Variants in DOCK4 observed in about 807,000 individuals in gnomAD.
The protein encoded by DOCK4 is dedicator of cytokinesis 4.
A neutral mutation model predicts 268.1 loss-of-function variants in DOCK4; 97 were observed. The ratio of observed to expected loss-of-function variants is 0.36; its 90% CI spans 0.31 to 0.43. The LOEUF (loss-of-function observed/expected upper bound fraction) is 0.43, where lower values mean the gene tolerates loss of function less well. Ranked by LOEUF, DOCK4 falls within the 20% of genes least tolerant of loss-of-function variation. The pLI is 1.00. For missense variants in DOCK4, 2,145 were observed against 2,455.7 expected (o/e 0.87, Z 2.67); for synonymous variants, 954 against 887.2 (o/e 1.08, Z -1.34).
At chr7:111,747,577 G>T in intron 42 of DOCK4, 134 bp from the exon 43 acceptor site, 1 of 837,216 alleles carries the variant, frequency 1.2e-6, no homozygotes, top group Non-Finnish European at 1.8e-6. Context: ...GGGCCATTCC[G>T]TAGAATAGAC....
intron 1 of DOCK4, among the ~76,000 whole-genome samples, chr7:112,021,575 T>C (rs768545501): frequency 1.3e-5 from 2 of 152,236 alleles, no homozygotes; most frequent in Non-Finnish European, 2.9e-5. Context: ...TCCATGAATC[T>C]GGCCACCAGC....
chr7:112,093,704 A>G (rs1372950608), intron 1 of DOCK4, among the ~76,000 whole-genome samples: 1 of 152,234 alleles, frequency 6.6e-6, no homozygotes, highest in Non-Finnish European at 1.5e-5. Flanking sequence ...CTGCAAAAAA[A>G]TCCAGCAATT....
intron 17 of DOCK4, among the ~76,000 whole-genome samples, chr7:111,875,248 A>AT (rs1806757588): frequency 6.6e-6 from 1 of 152,198 alleles, no homozygotes; most frequent in Non-Finnish European, 1.5e-5. Flanking sequence ...GTTTAATATA[A>AT]TTATTTCATA....
chr7:112,196,407 C>T (rs2116840578), intron 1 of DOCK4, among the ~76,000 whole-genome samples: 1 of 152,284 alleles, frequency 6.6e-6, no homozygotes, highest in South Asian at 2.1e-4. Context: ...TTCAAAGCAA[C>T]TACAAAATCA....
At chr7:112,175,822 T>TA in intron 1 of DOCK4, among the ~76,000 whole-genome samples, 1 of 152,026 alleles carries the variant, frequency 6.6e-6, no homozygotes, top group Non-Finnish European at 1.5e-5. Context: ...ATCCCCTTTT[T>TA]AATCTAAAAG....
intron 1 of DOCK4, among the ~76,000 whole-genome samples, chr7:112,128,219 A>G (rs535667290): frequency 6.6e-6 from 1 of 152,360 alleles, no homozygotes; most frequent in African/African-American, 2.4e-5. Flanking sequence ...TCTCAGTGTT[A>G]AATTACTCTC....
intron 5 of DOCK4, among the ~76,000 whole-genome samples, chr7:111,991,682 C>A (rs754846039): frequency 6.7e-6 from 1 of 150,334 alleles, no homozygotes; most frequent in Non-Finnish European, 1.5e-5. Context: ...GTGCCTGGCG[C>A]TGGGCGAGGT....
chr7:112,087,659 T>C (rs1411735799), intron 1 of DOCK4, among the ~76,000 whole-genome samples: 1 of 152,130 alleles, frequency 6.6e-6, no homozygotes, highest in African/African-American at 2.4e-5. Context: ...TAAAATACTA[T>C]GTACCCTGAG....
chr7:112,012,015 G>C (rs1404293834), intron 1 of DOCK4, among the ~76,000 whole-genome samples: 1 of 151,642 alleles, frequency 6.6e-6, no homozygotes, highest in Non-Finnish European at 1.5e-5. Flanking sequence ...TCATTTGCTA[G>C]CCCACGATGA....
intron 7 of DOCK4, among the ~76,000 whole-genome samples, chr7:111,978,320 C>A (rs920519358): frequency 2.0e-5 from 3 of 152,216 alleles, no homozygotes; most frequent in African/African-American, 7.2e-5. Flanking sequence ...CAGCCTCTAC[C>A]TCCCAGGCTC....
At chr7:111,863,646 C>T (rs367786603) in intron 22 of DOCK4, 82 bp from the exon 23 acceptor site, 36 of 1,371,380 alleles carry the variant, frequency 2.6e-5, no homozygotes, top group South Asian at 7.6e-5. Context: ...GTTTAAGGAC[C>T]GTGGCAAGTG....
At chr7:111,930,991 T>G (rs1794154515) in intron 12 of DOCK4, among the ~76,000 whole-genome samples, 3 of 152,188 alleles carry the variant, frequency 2.0e-5, no homozygotes, top group African/African-American at 7.2e-5. Flanking sequence ...TAGGGCTGGG[T>G]TTGCCTCAGC....
intron 12 of DOCK4, among the ~76,000 whole-genome samples, chr7:111,916,754 C>T (rs901697393): frequency 7.2e-5 from 11 of 151,856 alleles, no homozygotes; most frequent in Middle Eastern, 3.4e-3. Flanking sequence ...TTTTTCATTC[C>T]TTCTTTGTTT....
intron 1 of DOCK4, among the ~76,000 whole-genome samples, chr7:112,100,881 G>T (rs544140778): frequency 6.6e-6 from 1 of 152,278 alleles, no homozygotes; most frequent in African/African-American, 2.4e-5. Flanking sequence ...AGATATCAGG[G>T]ATATAAGGGA....
At chr7:111,784,029 G>A in intron 33 of DOCK4, 68 bp downstream of exon 33, 2 of 1,571,302 alleles carry the variant, frequency 1.3e-6, no homozygotes, top group South Asian at 2.3e-5. Flanking sequence ...ACTTTCATCA[G>A]TACCTTAAAT....
At chr7:111,992,719 A>G (rs569341533) in intron 5 of DOCK4, among the ~76,000 whole-genome samples, 1 of 152,324 alleles carries the variant, frequency 6.6e-6, no homozygotes, top group South Asian at 2.1e-4. Flanking sequence ...AGCTATATAA[A>G]AGGAAAAGTG....
intron 23 of DOCK4, among the ~76,000 whole-genome samples, chr7:111,850,827 G>A (rs1804485928): frequency 6.6e-6 from 1 of 151,484 alleles, no homozygotes; most frequent in African/African-American, 2.4e-5. Context: ...TCCCTTTGCT[G>A]ACTCCTTTTT....
intron 1 of DOCK4, among the ~76,000 whole-genome samples, chr7:112,169,627 T>C (rs1319709421): frequency 3.3e-5 from 5 of 152,196 alleles, no homozygotes; most frequent in Admixed American, 2.6e-4. Context: ...ATCCCAATCA[T>C]GCATCTGTCG....
At chr7:111,812,001 T>C (rs954184699) in intron 27 of DOCK4, 52 bp from the exon 28 acceptor site, 1 of 1,015,246 alleles carries the variant, frequency 9.8e-7, no homozygotes, top group African/African-American at 1.6e-5. Context: ...TGAAAATCAT[T>C]TAGTATACAA....
Sources: allele counts gnomAD v4.1 joint callset (sites outside exome capture counted in the v4.1 genomes callset), GRCh38; gene constraint gnomAD v4.1.1; transcripts MANE v1.5; gene names NCBI Gene and HGNC (gene_info 2026-07-23, HGNC 2026-07-21).